The following C7 variants were observed in gnomAD, a reference collection of about 807,000 sequenced individuals.
C7 encodes complement component C7.
C7 carries 83 observed loss-of-function variants against 104.8 expected under a neutral mutation model. The ratio of observed to expected loss-of-function variants is 0.79; its 90% CI spans 0.66 to 0.95. C7 has a LOEUF of 0.95. Among genes scored for constraint, C7 ranks in the 40% least tolerant of loss-of-function variants. C7 has a pLI of 0.00. For missense variants in C7, 1,070 were observed against 1,011.2 expected, an observed-to-expected ratio of 1.06 and a Z score of -0.79; for synonymous variants, 415 against 360.6, an observed-to-expected ratio of 1.15 and a Z score of -1.71.
chr5:40,933,737 C>G (rs925251475), intron 3 of C7, among the ~76,000 whole-genome samples: 5 of 152,164 alleles, frequency 3.3e-5, no homozygotes, highest in African/African-American at 1.2e-4. Flanking sequence ...ATCACCATCA[C>G]TCTTCTGAAG....
chr5:40,978,859 C>T (rs1202338226), intron 16 of C7, among the ~76,000 whole-genome samples: 1 of 111,318 alleles, frequency 9.0e-6, no homozygotes, highest in East Asian at 2.6e-4. Context: ...AGGAAGGTAA[C>T]ACATTTTATG....
chr5:40,955,614 G>A (rs952941547), intron 10 of C7, 61 bp downstream of exon 10: 14 of 1,498,332 alleles, frequency 9.3e-6, no homozygotes, highest in African/African-American at 1.4e-5. Context: ...TGAGGAAAAC[G>A]AAGGTGGTTA....
At chr5:40,975,588 T>C (rs2111719696) in intron 15 of C7, among the ~76,000 whole-genome samples, 1 of 152,264 alleles carries the variant, frequency 6.6e-6, no homozygotes, top group Admixed American at 6.5e-5. Context: ...GGTCGTGAAC[T>C]CCTGACCTCA....
intron 14 of C7, chr5:40,972,055 G>C (rs1253069753): frequency 2.1e-6 from 1 of 472,446 alleles, no homozygotes; most frequent in East Asian, 6.4e-5. Context: ...TCTCCTGGTG[G>C]AACATCACTA....
In C7 at chr5:40,972,182, G is replaced by A. The variant is rs78484503; in HGVS notation, c.1883-221G>A. 1,043 of 574,664 alleles carry A rather than the reference G, an allele frequency of 1.8e-3. 11 individuals are homozygous for A. The highest frequency in any genetic ancestry group is 0.017 in the African/African-American group (925 of 53,194). The allele number at this position is 574,664 out of a possible 1,614,324, so 35.6% of individuals were successfully genotyped here. A position where few individuals can be genotyped will look rare whatever the true frequency, so the allele number is the denominator to read the frequency against. Reference sequence around the variant, plus strand: ...CACATTGTTTTGAGGGGAGGGGTGGGAGAGGGGGAGCTGTTTTGGTTTTTA... The same window carrying A: ...CACATTGTTTTGAGGGGAGGGGTGGAAGAGGGGGAGCTGTTTTGGTTTTTA... On this transcript the variant is annotated intron_variant, in intron 14 of 17. Transcript: ENST00000313164.
intron 12 of C7, among the ~76,000 whole-genome samples, chr5:40,961,081 T>G (rs1004295014): frequency 6.6e-6 from 1 of 152,172 alleles, no homozygotes; most frequent in Non-Finnish European, 1.5e-5. Context: ...CAGAAAAAAA[T>G]GTAGACACTA....
chr5:40,966,868 C>T (rs1006024387), intron 14 of C7, among the ~76,000 whole-genome samples: 1 of 152,040 alleles, frequency 6.6e-6, no homozygotes, highest in African/African-American at 2.4e-5. Context: ...ATTAATCTCT[C>T]TCTCTCTCTT....
intron 9 of C7, 140 bp downstream of exon 9, chr5:40,950,154 T>C: frequency 1.7e-6 from 1 of 605,302 alleles, no homozygotes; most frequent in South Asian, 2.0e-5. Context: ...CACCCAAGTA[T>C]TAAGCCTAGT....
chr5:40,936,470 A>T lies in C7; in HGVS notation c.413A>T (p.Glu138Val), dbSNP rs771094076. Residue 138 changes from glutamate to valine, a missense_variant, in exon 5 of 18, where the codon GAA becomes GTA. Physicochemically the swap from Glu to Val is moderately radical, Grantham distance 121 (BLOSUM62 -2). Coordinates refer to ENST00000313164, the MANE Select transcript of C7 (RefSeq NM_000587.4). ...CDIDKPPPNI[E>V]LTGNGYNELT... Reference sequence around the variant, plus strand: ...ATCGATAAACCTCCTCCTAACATAGAACTTACTGGAAATGGGTAAGGTGCT... The same window carrying T: ...ATCGATAAACCTCCTCCTAACATAGTACTTACTGGAAATGGGTAAGGTGCT... 3.7e-6 allele frequency: 6 copies of T among 1,613,128 alleles called. No homozygotes were observed. Among genetic ancestry groups the T allele is most frequent in the Non-Finnish European group, 4.2e-6 (5 of 1,179,408 alleles).
chr5:40,940,082 C>T (rs1739902385), intron 6 of C7, among the ~76,000 whole-genome samples: 1 of 152,160 alleles, frequency 6.6e-6, no homozygotes, highest in Non-Finnish European at 1.5e-5. Context: ...GGTGAATGTC[C>T]TCCATGGTTC....
At chr5:40,926,860 A>G (rs1561239454) in intron 1 of C7, among the ~76,000 whole-genome samples, 1 of 152,160 alleles carries the variant, frequency 6.6e-6, no homozygotes, top group Non-Finnish European at 1.5e-5. Flanking sequence ...ATCTTTATCA[A>G]AATTCTAACA....
Position 40,934,328 on chromosome 5 carries a change from C to T in C7, c.142C>T (p.Arg48Cys), listed in dbSNP as rs776854001. 4 of 1,591,466 alleles carry T rather than the reference C, an allele frequency of 2.5e-6. No homozygotes were observed. The highest frequency in any genetic ancestry group is 1.2e-5 in the South Asian group (1 of 86,154). The change falls in exon 4 of 18, where the codon CGC becomes TGC. Residue 48 changes from arginine to cysteine, a missense_variant. Arg to Cys is a radical substitution (Grantham distance 180). Coordinates refer to ENST00000313164, the MANE Select transcript of C7 (RefSeq NM_000587.4). Reference sequence around the variant, plus strand: ...CCACTGCCTGCTTTGTGTTTAGACTCGCAGGCGGTCAGTTGCTGTGTATGG... The same window carrying T: ...CCACTGCCTGCTTTGTGTTTAGACTTGCAGGCGGTCAGTTGCTGTGTATGG... Reference protein sequence around the residue: ...ECNGCTKTQTRRRSVAVYGQY... With the variant: ...ECNGCTKTQTCRRSVAVYGQY...
chr5:40,953,956 A>G (rs1022805425), intron 9 of C7, among the ~76,000 whole-genome samples: 2 of 152,130 alleles, frequency 1.3e-5, no homozygotes, highest in African/African-American at 2.4e-5. Flanking sequence ...TGCTTATTTT[A>G]TGAAATTGCA....
At chr5:40,955,349 A>T (rs1740265235) in intron 9 of C7, 38 bp from the exon 10 acceptor site, 2 of 1,553,934 alleles carry the variant, frequency 1.3e-6, no homozygotes, top group African/African-American at 2.8e-5. Flanking sequence ...TAAATACTTG[A>T]TAGACTTTTC....
intron 16 of C7, among the ~76,000 whole-genome samples, chr5:40,979,072 G>A (rs1360057920): frequency 6.6e-6 from 1 of 151,674 alleles, no homozygotes; most frequent in Non-Finnish European, 1.5e-5. Flanking sequence ...TAGAGATGGG[G>A]TTTCGCCATG....
chr5:40,936,990 C>G (rs1311975460), intron 5 of C7, among the ~76,000 whole-genome samples: 6 of 151,970 alleles, frequency 3.9e-5, no homozygotes, highest in Non-Finnish European at 8.8e-5. Context: ...TTTACGTTAT[C>G]AAAGAGAATT....
At chr5:40,926,408 T>C (rs1212109484) in intron 1 of C7, among the ~76,000 whole-genome samples, 1 of 152,138 alleles carries the variant, frequency 6.6e-6, no homozygotes, top group Non-Finnish European at 1.5e-5. Context: ...TATTGGAAAT[T>C]CTTGCCAGAG....
At chr5:40,921,471 A>T (rs1739436639) in intron 1 of C7, among the ~76,000 whole-genome samples, 1 of 152,150 alleles carries the variant, frequency 6.6e-6, no homozygotes, top group Non-Finnish European at 1.5e-5. Context: ...AATTTATGAA[A>T]CAGCAAAAGA....
At position 40,979,917 on chromosome 5, in the gene C7, G is replaced by A; in HGVS notation, c.2350+8G>A. 1 of 1,564,390 alleles carries A rather than the reference G, an allele frequency of 6.4e-7. No individual in the cohort carries two copies. The highest frequency in any genetic ancestry group is 8.7e-7 in the Non-Finnish European group (1 of 1,153,258). ...TGTGGGGAAAATGTGATGGTAAGGG[G>A]CCTTTCATATTTGTAAGTATAAGAA... On this transcript the variant is annotated splice_region_variant and intron_variant, in intron 17 of 17. Transcript: ENST00000313164.
Sources: gnomAD v4.1 joint callset for allele counts (sites outside exome capture counted in the v4.1 genomes callset) on GRCh38, gnomAD v4.1.1 for gene constraint, MANE v1.5 for transcripts, NCBI Gene and HGNC (gene_info 2026-07-23, HGNC 2026-07-21) for gene names.